LRMDA: variants seen among roughly 807,000 people sequenced by gnomAD.
The protein encoded by LRMDA is leucine rich melanocyte differentiation associated, also known as leucine-rich melanocyte differentiation-associated protein.
LRMDA carries 18 observed loss-of-function variants against 29.8 expected under a neutral mutation model. The observed-to-expected ratio is 0.60, with a 90% CI of 0.42 to 0.90. The LOEUF is 0.90. Among genes scored for constraint, LRMDA ranks in the 40% least tolerant of loss-of-function variants. The pLI, the probability that LRMDA is intolerant of heterozygous loss-of-function variation, is 0.00. For missense variants in LRMDA, 273 were observed against 273.9 expected, an observed-to-expected ratio of 1.00 and a Z score of 0.02; for synonymous variants, 125 against 109.4, an observed-to-expected ratio of 1.14 and a Z score of -0.89.
chr10:75,876,120 C>T (rs1373156070), intron 2 of LRMDA, among the ~76,000 whole-genome samples: 1 of 152,096 alleles, frequency 6.6e-6, no homozygotes, highest in Non-Finnish European at 1.5e-5. Flanking sequence ...GGACATCAGG[C>T]CTGATTGGAG....
At chr10:75,847,491 C>T (rs1844659899) in intron 2 of LRMDA, among the ~76,000 whole-genome samples, 1 of 151,990 alleles carries the variant, frequency 6.6e-6, no homozygotes, top group Non-Finnish European at 1.5e-5. Flanking sequence ...GCAACAAAAA[C>T]AAAAATAGAC....
intron 6 of LRMDA, among the ~76,000 whole-genome samples, chr10:76,473,465 A>C (rs1189306061): frequency 1.3e-5 from 2 of 151,550 alleles, no homozygotes; most frequent in African/African-American, 4.8e-5. Flanking sequence ...AAGACCAAGA[A>C]ATCCACTATC....
chr10:75,874,842 C>T (rs1182839515), intron 2 of LRMDA, among the ~76,000 whole-genome samples: 5 of 152,350 alleles, frequency 3.3e-5, no homozygotes, highest in South Asian at 2.1e-4. Context: ...CTCTGCTCCA[C>T]TCACTGGAAT....
At chr10:76,518,736 T>A (rs928801394) in intron 6 of LRMDA, among the ~76,000 whole-genome samples, 5 of 152,042 alleles carry the variant, frequency 3.3e-5, no homozygotes, top group African/African-American at 1.2e-4. Context: ...AAAATCTACA[T>A]AACAGTAAAA....
intron 2 of LRMDA, among the ~76,000 whole-genome samples, chr10:75,656,719 C>T (rs1036871536): frequency 1.3e-5 from 2 of 152,118 alleles, no homozygotes; most frequent in Admixed American, 1.3e-4. Context: ...GCAGGTATCT[C>T]CTCTGTTAAG....
intron 6 of LRMDA, among the ~76,000 whole-genome samples, chr10:76,406,775 A>G (rs1438059579): frequency 6.6e-6 from 1 of 152,218 alleles, no homozygotes; most frequent in East Asian, 1.9e-4. Context: ...CCTGGAGCAG[A>G]TTTGTGAAGC....
chr10:76,256,898 C>T (rs1420604252), intron 5 of LRMDA, among the ~76,000 whole-genome samples: 4 of 152,104 alleles, frequency 2.6e-5, no homozygotes, highest in African/African-American at 9.7e-5. Context: ...GTCTCTAAAA[C>T]CTTGGTAGCA....
chr10:75,876,859 C>T (rs747085110), intron 2 of LRMDA, among the ~76,000 whole-genome samples: 4 of 152,162 alleles, frequency 2.6e-5, no homozygotes, highest in Non-Finnish European at 5.9e-5. Flanking sequence ...TGAGTGCCTC[C>T]GTGCTTCTCA....
Position 75,431,760 on chromosome 10 carries a change from TC to T in LRMDA, c.30+9del. 7.3e-7 allele frequency: 1 copy of T among 1,369,290 alleles called. No individual in the cohort carries two copies. Among genetic ancestry groups the T allele is most frequent in the Non-Finnish European group, 9.5e-7 (1 of 1,055,908 alleles). The allele number at this position is 1,369,290 out of a possible 1,614,324, so 84.8% of individuals were successfully genotyped here. On this transcript the variant is annotated splice_region_variant and intron_variant, in intron 1 of 6. Transcript: ENST00000611255. ...TCGTGGTGCGTGGAACTCAAGTAAG[TC>T]CCGGCCAGCCCCGCCTCCGCCCGGG...
At chr10:75,584,435 C>A (rs1271893484) in intron 2 of LRMDA, among the ~76,000 whole-genome samples, 1 of 152,134 alleles carries the variant, frequency 6.6e-6, no homozygotes, top group Non-Finnish European at 1.5e-5. Context: ...AACATGACCA[C>A]CTTCAGGAAA....
At chr10:75,660,126 G>C (rs1240545248) in intron 2 of LRMDA, among the ~76,000 whole-genome samples, 2 of 152,000 alleles carry the variant, frequency 1.3e-5, no homozygotes, top group African/African-American at 4.8e-5. Context: ...TGAAGGTACA[G>C]GATACACCTT....
chr10:75,974,651 A>T (rs770781037), intron 2 of LRMDA, among the ~76,000 whole-genome samples: 42 of 152,130 alleles, frequency 2.8e-4, no homozygotes, highest in Admixed American at 9.8e-4. Context: ...CATTTTGCCA[A>T]TGAGGAAACT....
intron 2 of LRMDA, among the ~76,000 whole-genome samples, chr10:75,611,432 G>T (rs1437381560): frequency 2.6e-5 from 4 of 152,128 alleles, no homozygotes; most frequent in African/African-American, 9.7e-5. Flanking sequence ...TCACATTGCT[G>T]TGTAACCGTT....
At chr10:75,823,685 A>AGTGTGTGTGTGT (rs141426887) in intron 2 of LRMDA, among the ~76,000 whole-genome samples, 2 of 144,066 alleles carry the variant, frequency 1.4e-5, no homozygotes, top group African/African-American at 5.3e-5. Context: ...ATTAAAATGT[A>AGTGTGTGTGTGT]GTGTGTGTGT....
At chr10:75,556,952 A>T (rs537026090) in intron 2 of LRMDA, among the ~76,000 whole-genome samples, 2 of 152,110 alleles carry the variant, frequency 1.3e-5, no homozygotes, top group African/African-American at 4.8e-5. Flanking sequence ...ATTCTAAAAA[A>T]AAACTTCAAA....
intron 2 of LRMDA, among the ~76,000 whole-genome samples, chr10:75,801,996 C>T (rs1843751039): frequency 6.6e-6 from 1 of 152,080 alleles, no homozygotes; most frequent in South Asian, 2.1e-4. Context: ...TGGCAGGGGA[C>T]ACAGCTTGAG....
At chr10:75,512,345 AT>A (rs1252327929) in intron 2 of LRMDA, among the ~76,000 whole-genome samples, 1 of 151,268 alleles carries the variant, frequency 6.6e-6, no homozygotes, top group East Asian at 1.9e-4. Flanking sequence ...CCTTGAATCA[AT>A]GTGAGCTGTT....
At chr10:75,777,682 C>T (rs1258309811) in intron 2 of LRMDA, among the ~76,000 whole-genome samples, 2 of 152,150 alleles carry the variant, frequency 1.3e-5, no homozygotes, top group South Asian at 2.1e-4. Context: ...GCCAGGCTGC[C>T]GGGATCTGAA....
chr10:75,568,898 T>C (rs948408195), intron 2 of LRMDA, among the ~76,000 whole-genome samples: 1 of 152,198 alleles, frequency 6.6e-6, no homozygotes, highest in African/African-American at 2.4e-5. Context: ...TATATGCTAT[T>C]CACTGGCAGG....
Sources: gnomAD v4.1 joint callset for allele counts (sites outside exome capture counted in the v4.1 genomes callset) on GRCh38, gnomAD v4.1.1 for gene constraint, MANE v1.5 for transcripts, NCBI Gene and HGNC (gene_info 2026-07-23, HGNC 2026-07-21) for gene names.